BMPR1A: variants seen among roughly 807,000 people sequenced by gnomAD.
The protein encoded by BMPR1A is bone morphogenetic protein receptor type-1A.
BMPR1A carries 7 observed loss-of-function variants against 66.0 expected under a neutral mutation model. That is an observed-to-expected ratio of 0.11 (90% confidence interval 0.06 to 0.20). The LOEUF is 0.20. BMPR1A is among the 10% of genes least tolerant of loss of function. The pLI is 1.00. For synonymous variants in BMPR1A, 200 were observed against 229.7 expected (o/e 0.87, Z 1.17); for missense variants, 408 against 669.1 (o/e 0.61, Z 4.31).
chr10:86,901,571 C>G (rs946244462), intron 7 of BMPR1A, among the ~76,000 whole-genome samples: 2 of 152,218 alleles, frequency 1.3e-5, no homozygotes, highest in African/African-American at 4.8e-5. Context: ...GCTCATTCAT[C>G]TGCTTCATGA....
At chr10:86,780,238 T>C (rs1200249113) in intron 1 of BMPR1A, among the ~76,000 whole-genome samples, 4 of 152,362 alleles carry the variant, frequency 2.6e-5, no homozygotes, top group African/African-American at 9.6e-5. Flanking sequence ...GCAAATATTT[T>C]CTCACTTTCT....
At chr10:86,860,703 G>A (rs537669886) in intron 2 of BMPR1A, among the ~76,000 whole-genome samples, 111 of 150,864 alleles carry the variant, frequency 7.4e-4, no homozygotes, top group Admixed American at 1.1e-3. Flanking sequence ...CTGGGAGGCG[G>A]AGGTTGCAGT....
chr10:86,824,712 G>A (rs955724520), intron 1 of BMPR1A, among the ~76,000 whole-genome samples: 3 of 152,152 alleles, frequency 2.0e-5, no homozygotes, highest in Admixed American at 2.0e-4. Context: ...TATTGGGTGG[G>A]TGACAGTTGG....
intron 1 of BMPR1A, among the ~76,000 whole-genome samples, chr10:86,797,823 G>T (rs1841745904): frequency 6.6e-6 from 1 of 152,212 alleles, no homozygotes; most frequent in East Asian, 1.9e-4. Flanking sequence ...ATCTGTTAAT[G>T]CATGAGACCC....
chr10:86,783,378 C>CA (rs1190025054), intron 1 of BMPR1A, among the ~76,000 whole-genome samples: 1 of 152,018 alleles, frequency 6.6e-6, no homozygotes, highest in South Asian at 2.1e-4. Flanking sequence ...TCTCATTTTG[C>CA]AAAAAATGAC....
chr10:86,885,589 T>G (rs1370642019), intron 3 of BMPR1A, among the ~76,000 whole-genome samples: 1 of 152,186 alleles, frequency 6.6e-6, no homozygotes, highest in African/African-American at 2.4e-5. Context: ...ACAGCACAGT[T>G]GTAGACATGC....
At chr10:86,770,659 C>T (rs146096541) in intron 1 of BMPR1A, among the ~76,000 whole-genome samples, 1 of 152,180 alleles carries the variant, frequency 6.6e-6, no homozygotes, top group Admixed American at 6.5e-5. Context: ...GGCTAGCTCT[C>T]TTGGACTGGG....
intron 9 of BMPR1A, among the ~76,000 whole-genome samples, chr10:86,917,676 C>T (rs1274511305): frequency 6.6e-6 from 1 of 152,212 alleles, no homozygotes; most frequent in East Asian, 1.9e-4. Context: ...AACAGCCCAA[C>T]ATGCAGTTTC....
intron 3 of BMPR1A, 39 bp from the exon 4 acceptor site, chr10:86,890,023 C>T: frequency 1.2e-6 from 2 of 1,608,658 alleles, no homozygotes; most frequent in Non-Finnish European, 1.7e-6. Flanking sequence ...ATGAGCTTTT[C>T]AGAAATGATT....
At chr10:86,901,961 C>T (rs1021401434) in intron 7 of BMPR1A, among the ~76,000 whole-genome samples, 8 of 152,118 alleles carry the variant, frequency 5.3e-5, no homozygotes, top group East Asian at 1.9e-4. Context: ...CAGGTTCAAG[C>T]GATACTCATG....
intron 2 of BMPR1A, among the ~76,000 whole-genome samples, chr10:86,849,533 T>G (rs1842537069): frequency 1.3e-5 from 2 of 152,232 alleles, no homozygotes; most frequent in Non-Finnish European, 2.9e-5. Flanking sequence ...TACCAGTAAC[T>G]TCTGTGCCTT....
At position 86,927,485 on chromosome 10, in the gene BMPR1A, T is replaced by C. The variant is rs1249809877; in HGVS notation, c.*3766T>C. On this transcript the variant is annotated 3_prime_UTR_variant, in exon 13 of 13. Coordinates refer to ENST00000372037, the MANE Select transcript of BMPR1A (RefSeq NM_004329.3). ...CTGCTGTGAGAGTCACAGTGGAAAC[T>C]GCAGGGAGGAGGTGTGTTCCTAAGA... 1 of 200,990 alleles carries C rather than the reference T, an allele frequency of 5.0e-6. No individual in the cohort carries two copies. Among genetic ancestry groups the C allele is most frequent in the South Asian group, 1.9e-4 (1 of 5,252 alleles). The allele number at this position is 200,990 out of a possible 1,614,324, so 12.5% of individuals were successfully genotyped here.
At chr10:86,921,369 T>G in intron 10 of BMPR1A, 151 bp from the exon 11 acceptor site, 2 of 975,802 alleles carry the variant, frequency 2.0e-6, no homozygotes, top group African/African-American at 1.6e-5. Context: ...GTATGTAGCA[T>G]GTATTTAAAG....
intron 1 of BMPR1A, among the ~76,000 whole-genome samples, chr10:86,825,496 T>TGA (rs1491044796): frequency 1.4e-5 from 2 of 147,578 alleles, no homozygotes; most frequent in Admixed American, 1.4e-4. Context: ...TGTGTGTGTG[T>TGA]GACAGGGTCT....
At chr10:86,873,552 A>C (rs979823255) in intron 2 of BMPR1A, among the ~76,000 whole-genome samples, 2 of 152,176 alleles carry the variant, frequency 1.3e-5, no homozygotes, top group African/African-American at 4.8e-5. Flanking sequence ...GGTTTCTGGC[A>C]TGGTATCCAC....
At chr10:86,873,171 ATGAAAGATGT>A (rs1187117978) in intron 2 of BMPR1A, among the ~76,000 whole-genome samples, 1 of 152,196 alleles carries the variant, frequency 6.6e-6, no homozygotes, top group African/African-American at 2.4e-5. Flanking sequence ...AACAGTGACA[ATGAAAGATGT>A]AACAAGGCAT....
chr10:86,911,485 G>A (rs775572480), intron 7 of BMPR1A, among the ~76,000 whole-genome samples: 12 of 152,076 alleles, frequency 7.9e-5, no homozygotes, highest in Non-Finnish European at 1.8e-4. Context: ...AGTGTCTCAC[G>A]CCTGTAATCC....
intron 1 of BMPR1A, among the ~76,000 whole-genome samples, chr10:86,815,125 T>C (rs577379506): frequency 2.0e-5 from 3 of 152,358 alleles, no homozygotes; most frequent in African/African-American, 7.2e-5. Flanking sequence ...GATTTGGATC[T>C]GAAAACTTTG....
intron 1 of BMPR1A, among the ~76,000 whole-genome samples, chr10:86,798,662 C>T (rs1026503664): frequency 2.0e-5 from 3 of 152,208 alleles, no homozygotes; most frequent in African/African-American, 7.2e-5. Flanking sequence ...AACCACTTCA[C>T]TGTAAGGGAG....
Sources: gnomAD v4.1 joint callset for allele counts (sites outside exome capture counted in the v4.1 genomes callset) on GRCh38, gnomAD v4.1.1 for gene constraint, MANE v1.5 for transcripts, NCBI Gene and HGNC (gene_info 2026-07-23, HGNC 2026-07-21) for gene names.